KMO: variants seen among roughly 807,000 people sequenced by gnomAD.
KMO encodes the protein kynurenine 3-monooxygenase, also known as kynurenine 3-hydroxylase.
Under a neutral mutation model 57.8 loss-of-function variants are expected in KMO, and 24 were observed. The observed-to-expected ratio is 0.42, with a 90% CI of 0.30 to 0.58. The LOEUF (loss-of-function observed/expected upper bound fraction) is 0.58, where lower values mean the gene tolerates loss of function less well. KMO is among the 20% of genes least tolerant of loss of function. The probability of loss-of-function intolerance (pLI) is 0.22; values close to 1 mark genes in which losing one functional copy is unlikely to be tolerated. For synonymous variants in KMO, 210 were observed against 193.6 expected, an observed-to-expected ratio of 1.08 and a Z score of -0.70; for missense variants, 483 against 588.2, an observed-to-expected ratio of 0.82 and a Z score of 1.85.
intron 9 of KMO, among the ~76,000 whole-genome samples, chr1:241,567,961 C>T (rs1326461343): frequency 6.6e-6 from 1 of 152,174 alleles, no homozygotes; most frequent in African/African-American, 2.4e-5. Context: ...TTATTATAAG[C>T]ACCATGTTGT....
At chr1:241,574,532 G>GTT (rs59988648) in intron 10 of KMO, among the ~76,000 whole-genome samples, 50,538 of 150,304 alleles carry the variant, frequency 0.34, 8,738 homozygotes, top group East Asian at 0.45. Context: ...TGATCATATG[G>GTT]TTTTTTTTTT....
At chr1:241,544,973 C>A (rs1188934513) in intron 1 of KMO, among the ~76,000 whole-genome samples, 1 of 152,028 alleles carries the variant, frequency 6.6e-6, no homozygotes, top group Non-Finnish European at 1.5e-5. Context: ...ACATTTATAC[C>A]TTTGTCTCTT....
intron 6 of KMO, 132 bp from the exon 7 acceptor site, chr1:241,562,035 G>C: frequency 1.4e-6 from 1 of 696,976 alleles, no homozygotes; most frequent in South Asian, 1.9e-5. Context: ...TTAACTCAAA[G>C]CTCCAAGTCA....
Position 241,568,654 on chromosome 1 carries a change from T to TCTTTTTCCCTAGGTAAGTC in KMO, c.957+9_957+27dup, listed in dbSNP as rs764291118. On this transcript the variant is annotated splice_region_variant and intron_variant, in intron 10 of 14. Coordinates refer to ENST00000366559, the MANE Select transcript of KMO (RefSeq NM_003679.5). ...TGGGCAAGGAATGAATGCGGTAAGTTCTTTTTCCCTAGGTAAGTCCCTCAA... is the reference window on the plus strand; with the variant it reads ...TGGGCAAGGAATGAATGCGGTAAGTTCTTTTTCCCTAGGTAAGTCCTTTTTCCCTAGGTAAGTCCCTCAA... The TCTTTTTCCCTAGGTAAGTC allele has an allele frequency of 1.9e-5, 30 of 1,612,568 alleles. No homozygotes were observed. The South Asian group carries it at 2.4e-4, about 13-fold the overall frequency.
chr1:241,533,188 G>A (rs757369556), intron 1 of KMO, among the ~76,000 whole-genome samples: 1 of 152,200 alleles, frequency 6.6e-6, no homozygotes, highest in Admixed American at 6.5e-5. Context: ...TTTAACATGG[G>A]TCTGCTCCGA....
intron 12 of KMO, 125 bp downstream of exon 12, chr1:241,588,955 A>G: frequency 1.5e-6 from 1 of 654,842 alleles, no homozygotes; most frequent in Non-Finnish European, 2.7e-6. Flanking sequence ...TACAGATAAG[A>G]AAACACACAC....
At chr1:241,567,295 G>A (rs149618570) in intron 9 of KMO, among the ~76,000 whole-genome samples, 6 of 152,346 alleles carry the variant, frequency 3.9e-5, no homozygotes, top group African/African-American at 1.4e-4. Flanking sequence ...AGAAGTGTAA[G>A]ATCAAGGCAC....
At chr1:241,577,357 G>A (rs1485663859) in intron 10 of KMO, among the ~76,000 whole-genome samples, 3 of 151,998 alleles carry the variant, frequency 2.0e-5, no homozygotes, top group East Asian at 1.9e-4. Context: ...AATTTGGGTA[G>A]GCTATTTCTT....
chr1:241,544,258 C>T (rs68167185), intron 1 of KMO, among the ~76,000 whole-genome samples: 12,661 of 152,212 alleles, frequency 0.083, 807 homozygotes, highest in East Asian at 0.27. Flanking sequence ...AAGAGAGACT[C>T]ATTTCTATTA....
At chr1:241,544,121 C>G (rs1418604184) in intron 1 of KMO, among the ~76,000 whole-genome samples, 1 of 152,160 alleles carries the variant, frequency 6.6e-6, no homozygotes, top group African/African-American at 2.4e-5. Flanking sequence ...GAATGGATTT[C>G]TTGCTTCTGA....
rs76790946 is a variant in KMO at position 241,566,719 on chromosome 1, G to T, written c.809+107G>T. ...TGGGTTAAACACGATGGATCATGCA[G>T]TAACCTGGACAGAAACCTACATTAG... On this transcript the variant is annotated intron_variant, in intron 9 of 14. Coordinates refer to ENST00000366559, the MANE Select transcript of KMO (RefSeq NM_003679.5). The T allele has an allele frequency of 2.9e-3, 3,474 of 1,185,004 alleles. 89 individuals are homozygous for T. The African/African-American group carries it at 0.047, about 16-fold the overall frequency. 73.4% of individuals were successfully genotyped at this position (1,185,004 alleles called of 1,614,324 possible).
chr1:241,538,614 A>G (rs1660832847), intron 1 of KMO, among the ~76,000 whole-genome samples: 1 of 152,206 alleles, frequency 6.6e-6, no homozygotes, highest in Non-Finnish European at 1.5e-5. Context: ...GGGCCTCACC[A>G]TGTTAGACCT....
intron 10 of KMO, among the ~76,000 whole-genome samples, chr1:241,581,722 T>C (rs909326294): frequency 6.6e-6 from 1 of 152,140 alleles, no homozygotes; most frequent in African/African-American, 2.4e-5. Flanking sequence ...TATATCTTTT[T>C]ATACTGTCTC....
chr1:241,585,524 A>T (rs2147982411), intron 10 of KMO, among the ~76,000 whole-genome samples: 1 of 152,164 alleles, frequency 6.6e-6, no homozygotes, highest in African/African-American at 2.4e-5. Flanking sequence ...TTGGGAGGCC[A>T]AGCCAGGCAG....
At position 241,592,087 on chromosome 1, in the gene KMO, TACA is replaced by T. The variant is rs1289023216; in HGVS notation, c.1399_1401del (p.Thr467del). 2 of 1,613,914 alleles carry T rather than the reference TACA, an allele frequency of 1.2e-6. No individual in the cohort carries two copies. Among genetic ancestry groups the T allele is most frequent in the Non-Finnish European group, 1.7e-6 (2 of 1,179,974 alleles). On this transcript the variant is annotated inframe_deletion, in exon 15 of 15. Transcript: ENST00000366559. ...GGAACTGGATAGCTCACTTCCGGAATACAACATGTTTCCCCGCAAAGGCCGTGG... is the reference window on the plus strand; with the variant it reads ...GGAACTGGATAGCTCACTTCCGGAATACATGTTTCCCCGCAAAGGCCGTGG...
chr1:241,563,786 G>A (rs1661970229), intron 7 of KMO, among the ~76,000 whole-genome samples: 1 of 152,128 alleles, frequency 6.6e-6, no homozygotes. Context: ...CTCAGACATG[G>A]GAGCATTTTG....
chr1:241,548,447 G>A (rs1226616368), intron 1 of KMO, among the ~76,000 whole-genome samples: 1 of 152,076 alleles, frequency 6.6e-6, no homozygotes, highest in African/African-American at 2.4e-5. Flanking sequence ...AGTTTTGGAG[G>A]AATGACGCTA....
intron 1 of KMO, among the ~76,000 whole-genome samples, chr1:241,538,724 T>G (rs927168334): frequency 6.6e-6 from 1 of 152,202 alleles, no homozygotes; most frequent in Non-Finnish European, 1.5e-5. Context: ...AGAGGTGGAA[T>G]GGATTTCTTT....
intron 11 of KMO, 108 bp downstream of exon 11, chr1:241,586,844 A>G (rs1663012279): frequency 1.3e-6 from 1 of 772,342 alleles, no homozygotes; most frequent in Non-Finnish European, 2.1e-6. Context: ...AATGTATATT[A>G]TCTCCCCAGG....
Sources: gnomAD v4.1 joint callset for allele counts (sites outside exome capture counted in the v4.1 genomes callset) on GRCh38, gnomAD v4.1.1 for gene constraint, MANE v1.5 for transcripts, NCBI Gene and HGNC (gene_info 2026-07-23, HGNC 2026-07-21) for gene names.